Variants in CCSER1 observed in about 807,000 individuals in gnomAD.
CCSER1 encodes serine-rich coiled-coil domain-containing protein 1.
Under a neutral mutation model 82.0 loss-of-function variants are expected in CCSER1, and 41 were observed. That is an observed-to-expected ratio of 0.50 (90% CI 0.39 to 0.65). CCSER1 has a LOEUF of 0.65. CCSER1 is among the 30% of genes least tolerant of loss of function. The pLI, the probability that CCSER1 is intolerant of heterozygous loss-of-function variation, is 0.00. For synonymous variants in CCSER1, 414 were observed against 383.9 expected, an observed-to-expected ratio of 1.08 and a Z score of -0.92; for missense variants, 1,119 against 1,064.2, an observed-to-expected ratio of 1.05 and a Z score of -0.72.
At position 90,654,656 on chromosome 4, in the gene CCSER1, C is replaced by T. The variant is rs182984484; in HGVS notation, c.1932+26424C>T. Among the ~76,000 whole-genome samples the T allele has an allele frequency of 5.4e-3, 815 of 152,204 alleles. 5 individuals carry two copies. Among genetic ancestry groups the T allele is most frequent in the Non-Finnish European group, 6.6e-3 (448 of 67,964 alleles). On this transcript the variant is annotated intron_variant, in intron 6 of 10. Coordinates refer to ENST00000509176, the MANE Select transcript of CCSER1 (RefSeq NM_001145065.2). ...TCATTTATTCATTCATTCAAAACCACTTATTTAGCCCTTTATTGTACGCCT... is the reference window on the plus strand; with the variant it reads ...TCATTTATTCATTCATTCAAAACCATTTATTTAGCCCTTTATTGTACGCCT...
chr4:90,918,326 A>G (rs1727824928), intron 8 of CCSER1: 6 of 436,374 alleles, frequency 1.4e-5, no homozygotes, highest in Non-Finnish European at 2.3e-5. Context: ...ACTTTTATGT[A>G]GGTAATTCAA....
At chr4:91,276,496 T>G (rs1488347787) in intron 10 of CCSER1, among the ~76,000 whole-genome samples, 1 of 152,064 alleles carries the variant, frequency 6.6e-6, no homozygotes, top group East Asian at 1.9e-4. Context: ...GGTTTTTGTA[T>G]CCTTCAACTT....
chr4:90,215,451 T>C (rs1296838135), intron 1 of CCSER1, among the ~76,000 whole-genome samples: 1 of 152,184 alleles, frequency 6.6e-6, no homozygotes, highest in Non-Finnish European at 1.5e-5. Flanking sequence ...TTTCGACCTT[T>C]AGTATAGTAG....
intron 4 of CCSER1, among the ~76,000 whole-genome samples, chr4:90,408,398 G>A (rs191006909): frequency 7.9e-5 from 12 of 152,324 alleles, no homozygotes; most frequent in Non-Finnish European, 1.5e-4. Context: ...GGGGAGGACT[G>A]ACACCTCACA....
chr4:91,585,343 C>A (rs1578857253), intron 10 of CCSER1, among the ~76,000 whole-genome samples: 1 of 151,434 alleles, frequency 6.6e-6, no homozygotes, highest in African/African-American at 2.4e-5. Flanking sequence ...CCATTTCACT[C>A]AATCCCTTCC....
chr4:90,484,599 C>T (rs1407189376), intron 5 of CCSER1, among the ~76,000 whole-genome samples: 1 of 152,092 alleles, frequency 6.6e-6, no homozygotes, highest in Non-Finnish European at 1.5e-5. Flanking sequence ...CAGTCAGGAC[C>T]CTCAGCTGCA....
intron 10 of CCSER1, among the ~76,000 whole-genome samples, chr4:91,440,853 T>G (rs1755078452): frequency 6.6e-6 from 1 of 152,154 alleles, no homozygotes; most frequent in Non-Finnish European, 1.5e-5. Context: ...TCTATGCAAG[T>G]AAACTAGAAA....
At chr4:91,063,183 T>G (rs879727983) in intron 9 of CCSER1, among the ~76,000 whole-genome samples, 2 of 152,140 alleles carry the variant, frequency 1.3e-5, no homozygotes, top group Non-Finnish European at 2.9e-5. Context: ...TCAAGAATTT[T>G]GCTTAAACAG....
chr4:90,815,928 G>A, intron 8 of CCSER1, 83 bp downstream of exon 8: 1 of 810,472 alleles, frequency 1.2e-6, no homozygotes, highest in Non-Finnish European at 2.0e-6. Flanking sequence ...TAACACCAAT[G>A]GCATTAGTTA....
intron 10 of CCSER1, among the ~76,000 whole-genome samples, chr4:91,344,087 G>T (rs1403300480): frequency 6.6e-6 from 1 of 152,286 alleles, no homozygotes; most frequent in Middle Eastern, 3.4e-3. Flanking sequence ...AATCCCTAAT[G>T]TGATAGTATT....
Position 91,147,421 on chromosome 4 carries a change from G to T in CCSER1, c.2217+61427G>T, listed in dbSNP as rs17018119. On this transcript the variant is annotated intron_variant, in intron 10 of 10. Transcript: ENST00000509176. ...TGTTCAGAGCCATGGGGCTGTCTGG[G>T]TAAAAAGCTGTTGCTGGCTAACACG... is the stretch of plus-strand genomic sequence containing the variant. Among the ~76,000 whole-genome samples, 1,425 of 152,310 alleles carry T rather than the reference G, an allele frequency of 9.4e-3. 10 individuals are homozygous for T. Among genetic ancestry groups the T allele is most frequent in the African/African-American group, 0.022 (935 of 41,578 alleles).
At chr4:90,460,775 AC>A (rs1182393829) in intron 4 of CCSER1, among the ~76,000 whole-genome samples, 1 of 152,112 alleles carries the variant, frequency 6.6e-6, no homozygotes, top group Non-Finnish European at 1.5e-5. Context: ...CTTCTCTCAC[AC>A]CCATCTGTAC....
chr4:90,402,335 A>T (rs979477836), intron 4 of CCSER1, among the ~76,000 whole-genome samples: 5 of 152,202 alleles, frequency 3.3e-5, no homozygotes, highest in Non-Finnish European at 5.9e-5. Context: ...GAGAAATTAG[A>T]GGATTGACTG....
chr4:91,217,914 G>A (rs1368523569), intron 10 of CCSER1, among the ~76,000 whole-genome samples: 1 of 152,234 alleles, frequency 6.6e-6, no homozygotes, highest in African/African-American at 2.4e-5. Flanking sequence ...TCACCTAGTG[G>A]ATCCCGCACC....
At chr4:91,348,402 CTA>C (rs1748220815) in intron 10 of CCSER1, among the ~76,000 whole-genome samples, 1 of 151,950 alleles carries the variant, frequency 6.6e-6, no homozygotes, top group Non-Finnish European at 1.5e-5. Flanking sequence ...ATTTATGCAT[CTA>C]TGTTCCTGAG....
chr4:90,183,763 G>A (rs1195441054), intron 1 of CCSER1, among the ~76,000 whole-genome samples: 1 of 152,108 alleles, frequency 6.6e-6, no homozygotes. Flanking sequence ...ATCTGGCAGT[G>A]TTAAGGACAA....
chr4:90,573,878 T>A (rs1780397679), intron 5 of CCSER1, among the ~76,000 whole-genome samples: 1 of 152,212 alleles, frequency 6.6e-6, no homozygotes, highest in Admixed American at 6.5e-5. Flanking sequence ...TATAAAACAC[T>A]AAATTTCATG....
At chr4:91,556,987 T>C (rs1578782289) in intron 10 of CCSER1, among the ~76,000 whole-genome samples, 1 of 151,124 alleles carries the variant, frequency 6.6e-6, no homozygotes, top group East Asian at 1.9e-4. Flanking sequence ...TTTTTATAAA[T>C]AGTTTTCTTT....
intron 10 of CCSER1, among the ~76,000 whole-genome samples, chr4:91,381,442 AT>A (rs1459006651): frequency 2.6e-5 from 4 of 151,968 alleles, no homozygotes; most frequent in African/African-American, 7.3e-5. Context: ...GGCTTTGTTC[AT>A]TTATTTTTAC....
Sources: gnomAD v4.1 joint callset for allele counts (sites outside exome capture counted in the v4.1 genomes callset) on GRCh38, gnomAD v4.1.1 for gene constraint, MANE v1.5 for transcripts, NCBI Gene and HGNC (gene_info 2026-07-23, HGNC 2026-07-21) for gene names.